Variants in SAMD4A observed in about 807,000 individuals in gnomAD.
SAMD4A encodes sterile alpha motif domain containing 4A.
A neutral mutation model predicts 81.3 loss-of-function variants in SAMD4A; 33 were observed. That is an observed-to-expected ratio of 0.41 (90% CI 0.31 to 0.54). SAMD4A has a LOEUF of 0.54. Ranked by LOEUF, SAMD4A falls within the 20% of genes least tolerant of loss-of-function variation. The probability of loss-of-function intolerance (pLI) is 0.37; values close to 1 mark genes in which losing one functional copy is unlikely to be tolerated. For missense variants in SAMD4A, 854 were observed against 951.1 expected (o/e 0.90, Z 1.34); for synonymous variants, 389 against 382.1 (o/e 1.02, Z -0.21).
chr14:54,572,143 G>A (rs1230975901), intron 2 of SAMD4A, among the ~76,000 whole-genome samples: 2 of 152,150 alleles, frequency 1.3e-5, no homozygotes, highest in Non-Finnish European at 2.9e-5. Flanking sequence ...CTAGTCCAGT[G>A]CCTAGTACAG....
intron 2 of SAMD4A, among the ~76,000 whole-genome samples, chr14:54,606,647 A>G (rs1433226778): frequency 2.0e-5 from 3 of 152,224 alleles, no homozygotes; most frequent in Admixed American, 6.5e-5. Context: ...GGGGTTTTCT[A>G]GGAAATAACT....
Position 54,669,129 on chromosome 14 carries a change from G to GT in SAMD4A, c.197-32932dup, listed in dbSNP as rs754583038. On this transcript the variant is annotated intron_variant, in intron 2 of 12. Coordinates refer to ENST00000554335, the MANE Select transcript of SAMD4A (RefSeq NM_015589.6). ...GCGCAGCCACAGGGCTGTGGAGTCA[G>GT]TAGCTACAGCTTGGATCATCATGAA... Among the ~76,000 whole-genome samples, 8 of 152,240 alleles carry GT rather than the reference G, an allele frequency of 5.3e-5. No homozygotes were observed. The East Asian group carries it at 7.7e-4, about 15-fold the overall frequency.
chr14:54,607,713 C>CA (rs1424134498), intron 2 of SAMD4A, among the ~76,000 whole-genome samples: 3 of 152,010 alleles, frequency 2.0e-5, no homozygotes, highest in African/African-American at 7.2e-5. Flanking sequence ...CTCGGCCTCC[C>CA]AAAGTGCTGG....
chr14:54,733,066 A>G (rs2140911156), intron 3 of SAMD4A, among the ~76,000 whole-genome samples: 1 of 152,306 alleles, frequency 6.6e-6, no homozygotes, highest in East Asian at 1.9e-4. Flanking sequence ...CTCATTAAAG[A>G]TGCTAGGAGA....
intron 9 of SAMD4A, 99 bp from the exon 10 acceptor site, chr14:54,774,835 A>T: frequency 7.5e-6 from 7 of 937,300 alleles, no homozygotes; most frequent in Middle Eastern, 2.5e-4. Context: ...AAAAAAAAAA[A>T]TGAGGAGACC....
At chr14:54,648,556 G>A (rs1246440135) in intron 2 of SAMD4A, among the ~76,000 whole-genome samples, 2 of 152,220 alleles carry the variant, frequency 1.3e-5, no homozygotes, top group African/African-American at 4.8e-5. Context: ...TGTTTGCAGA[G>A]TGGTAGTATT....
chr14:54,681,968 A>G (rs2036138727), intron 2 of SAMD4A: 1 of 985,282 alleles, frequency 1.0e-6, no homozygotes, highest in East Asian at 1.1e-4. Flanking sequence ...ACAGACCACA[A>G]AATAATTATG....
intron 2 of SAMD4A, among the ~76,000 whole-genome samples, chr14:54,578,941 G>A (rs2033386920): frequency 6.6e-6 from 1 of 152,034 alleles, no homozygotes; most frequent in African/African-American, 2.4e-5. Flanking sequence ...GCTTCTTTTG[G>A]GTCACCCAAA....
chr14:54,697,008 C>G (rs2036593506), intron 2 of SAMD4A: 1 of 152,212 alleles, frequency 6.6e-6, no homozygotes, highest in African/African-American at 2.4e-5. Flanking sequence ...ATTGAAAATT[C>G]TGAGGATTCC....
intron 2 of SAMD4A, among the ~76,000 whole-genome samples, chr14:54,656,620 T>C (rs961271051): frequency 2.0e-5 from 3 of 152,144 alleles, no homozygotes; most frequent in Admixed American, 1.3e-4. Context: ...AACTAGTTTT[T>C]TTGTTTGTTT....
chr14:54,751,316 G>C (rs975585322), intron 5 of SAMD4A, 135 bp from the exon 6 acceptor site: 5 of 614,328 alleles, frequency 8.1e-6, no homozygotes, highest in African/African-American at 7.5e-5. Flanking sequence ...TAATGCAAGA[G>C]ATAAGTGGAT....
At chr14:54,733,116 C>G (rs546721256) in intron 3 of SAMD4A, among the ~76,000 whole-genome samples, 4 of 152,296 alleles carry the variant, frequency 2.6e-5, no homozygotes, top group African/African-American at 7.2e-5. Flanking sequence ...GAAGAGTTGA[C>G]TGGTCCTGAT....
chr14:54,709,590 G>T (rs2036939755), intron 3 of SAMD4A, among the ~76,000 whole-genome samples: 1 of 152,084 alleles, frequency 6.6e-6, no homozygotes, highest in Non-Finnish European at 1.5e-5. Flanking sequence ...AGAAAGAGAA[G>T]AATGTATTTT....
intron 2 of SAMD4A, among the ~76,000 whole-genome samples, chr14:54,590,179 A>T (rs897985471): frequency 6.6e-6 from 1 of 152,230 alleles, no homozygotes; most frequent in African/African-American, 2.4e-5. Flanking sequence ...GAAAAGTGCT[A>T]TAAGAAAAAT....
intron 4 of SAMD4A, among the ~76,000 whole-genome samples, chr14:54,741,982 C>T (rs1233614399): frequency 6.6e-6 from 1 of 152,158 alleles, no homozygotes; most frequent in Non-Finnish European, 1.5e-5. Context: ...GGAACTTCTG[C>T]AGCAGAATGA....
chr14:54,744,087 T>C (rs747973232), intron 4 of SAMD4A, among the ~76,000 whole-genome samples: 5 of 152,166 alleles, frequency 3.3e-5, no homozygotes, highest in African/African-American at 4.8e-5. Context: ...CTGTGGTGAA[T>C]GGGAGTTGAT....
chr14:54,694,497 G>T (rs1215540176), intron 2 of SAMD4A: 2 of 331,932 alleles, frequency 6.0e-6, no homozygotes, highest in Non-Finnish European at 4.3e-6. Context: ...GCAAGAGTTG[G>T]GTTGTGGACA....
intron 3 of SAMD4A, among the ~76,000 whole-genome samples, chr14:54,720,320 G>GT (rs1291447809): frequency 3.9e-5 from 6 of 152,122 alleles, no homozygotes; most frequent in African/African-American, 1.4e-4. Context: ...GTTTCTTGGA[G>GT]TTTTTTCTCT....
At chr14:54,724,094 C>T (rs1485402931) in intron 3 of SAMD4A, among the ~76,000 whole-genome samples, 3 of 151,004 alleles carry the variant, frequency 2.0e-5, no homozygotes, top group East Asian at 2.0e-4. Flanking sequence ...ACAGCAACCC[C>T]GGTAGGTAGG....
Sources: gnomAD v4.1 joint callset for allele counts (sites outside exome capture counted in the v4.1 genomes callset) on GRCh38, gnomAD v4.1.1 for gene constraint, MANE v1.5 for transcripts, NCBI Gene and HGNC (gene_info 2026-07-23, HGNC 2026-07-21) for gene names.